Variants in GALNT14 observed in about 807,000 individuals in gnomAD.
The protein encoded by GALNT14 is UDP-GalNAc:polypeptide N-acetylgalactosaminyltransferase 14.
Under a neutral mutation model 77.5 loss-of-function variants are expected in GALNT14, and 60 were observed. That is an observed-to-expected ratio of 0.77 (90% CI 0.63 to 0.96). The LOEUF (loss-of-function observed/expected upper bound fraction) is 0.96. GALNT14 is among the 40% of genes least tolerant of loss of function. The pLI, the probability that GALNT14 is intolerant of heterozygous loss-of-function variation, is 0.00. For missense variants in GALNT14, 710 were observed against 731.0 expected (o/e 0.97, Z 0.33); for synonymous variants, 280 against 281.7 (o/e 0.99, Z 0.06).
At chr2:30,904,582 T>A in the GALNT14 span, among the ~76,000 whole-genome samples, 1 of 152,240 alleles carries the variant, frequency 6.6e-6, no homozygotes, top group African/African-American at 2.4e-5. Context: ...TCTCGCTGAC[T>A]GCTAGCACAG....
At chr2:31,075,392 C>G (rs1326560050) in intron 1 of GALNT14, among the ~76,000 whole-genome samples, 1 of 152,196 alleles carries the variant, frequency 6.6e-6, no homozygotes, top group East Asian at 1.9e-4. Context: ...AAATGTGTCT[C>G]CTGCATCTTT....
intron 1 of GALNT14, among the ~76,000 whole-genome samples, chr2:31,119,409 T>G (rs1025997720): frequency 6.6e-6 from 1 of 152,086 alleles, no homozygotes; most frequent in Non-Finnish European, 1.5e-5. Flanking sequence ...AGGATATGAA[T>G]AGACCCCTCA....
chr2:31,098,448 C>T (rs1180782649), intron 1 of GALNT14, among the ~76,000 whole-genome samples: 1 of 152,052 alleles, frequency 6.6e-6, no homozygotes, highest in East Asian at 1.9e-4. Flanking sequence ...ATATAATAAT[C>T]CCTTTAAAAA....
intron 1 of GALNT14, among the ~76,000 whole-genome samples, chr2:31,133,005 A>C (rs1331659351): frequency 1.3e-5 from 2 of 152,066 alleles, no homozygotes; most frequent in Non-Finnish European, 2.9e-5. Flanking sequence ...GCCCCCACCC[A>C]GGAACTGACT....
At chr2:30,889,303 A>G in the GALNT14 span, among the ~76,000 whole-genome samples, 1 of 152,210 alleles carries the variant, frequency 6.6e-6, no homozygotes, top group Admixed American at 6.5e-5. Context: ...GTTTAACTGA[A>G]TAGCAGGACT....
chr2:30,942,762 C>T (rs1335985857), intron 8 of GALNT14, among the ~76,000 whole-genome samples: 6 of 152,198 alleles, frequency 3.9e-5, no homozygotes, highest in Admixed American at 3.3e-4. Flanking sequence ...GGTAGCAGCA[C>T]ATCTGTTTCC....
intron 1 of GALNT14, chr2:31,125,088 C>A: frequency 8.6e-7 from 1 of 1,160,566 alleles, no homozygotes; most frequent in Non-Finnish European, 1.3e-6. Flanking sequence ...CCCACAGTAC[C>A]CAGGGCCTGC....
chr2:30,993,555 C>G (rs1669842979), intron 1 of GALNT14, among the ~76,000 whole-genome samples: 1 of 152,236 alleles, frequency 6.6e-6, no homozygotes, highest in African/African-American at 2.4e-5. Flanking sequence ...GTTCCGTCTA[C>G]AGTGGTGTGC....
rs756796892 is a variant in GALNT14 at position 30,932,059 on chromosome 2, G to A, written c.1058+9C>T. The A allele has an allele frequency of 1.3e-5, 20 of 1,521,614 alleles. No homozygotes were observed. The South Asian group carries it at 2.6e-4, about 20-fold the overall frequency. 94.3% of individuals were successfully genotyped at this position (1,521,614 alleles called of 1,614,324 possible). A position where few individuals can be genotyped will look rare whatever the true frequency, so the allele number is the denominator to read the frequency against. ...GCTGCCCACCCGCGCTGAGCCCCTG[G>A]GCACTTACTTTATATACGTGTTGGC... On this transcript the variant is annotated intron_variant, in intron 10 of 14. Transcript: ENST00000349752.
intron 1 of GALNT14, among the ~76,000 whole-genome samples, chr2:31,040,835 G>A (rs1002883050): frequency 2.6e-5 from 4 of 152,158 alleles, no homozygotes; most frequent in Admixed American, 2.0e-4. Context: ...GCACCCTACG[G>A]TTGTGGCCTG....
intron 1 of GALNT14, among the ~76,000 whole-genome samples, chr2:31,076,125 G>A (rs1242874313): frequency 1.3e-5 from 2 of 152,192 alleles, no homozygotes; most frequent in African/African-American, 4.8e-5. Flanking sequence ...CTGGAGAAAA[G>A]AGTTGAGTAG....
chr2:31,073,046 T>C (rs903982215), intron 1 of GALNT14: 1 of 152,222 alleles, frequency 6.6e-6, no homozygotes, highest in Non-Finnish European at 1.5e-5. Flanking sequence ...GCTTGAGTGA[T>C]GGCAGCAAGT....
intron 2 of GALNT14, among the ~76,000 whole-genome samples, chr2:30,969,860 C>T (rs987224902): frequency 6.6e-6 from 1 of 152,178 alleles, no homozygotes; most frequent in African/African-American, 2.4e-5. Context: ...ACAGCATCAG[C>T]TTTCAGAAGC....
the GALNT14 span, among the ~76,000 whole-genome samples, chr2:30,900,802 C>T: frequency 1.1e-4 from 16 of 152,198 alleles, no homozygotes; most frequent in East Asian, 3.8e-4. Flanking sequence ...AGATGCATAT[C>T]GACGGGGCTG....
intron 1 of GALNT14, among the ~76,000 whole-genome samples, chr2:31,060,633 G>T (rs190998433): frequency 6.6e-6 from 1 of 152,324 alleles, no homozygotes; most frequent in East Asian, 1.9e-4. Flanking sequence ...CCTTTAATCG[G>T]CTAGCGGCTG....
chr2:30,981,096 C>T (rs1386783644), intron 2 of GALNT14, among the ~76,000 whole-genome samples: 1 of 152,248 alleles, frequency 6.6e-6, no homozygotes, highest in Non-Finnish European at 1.5e-5. Context: ...CTGCATGGTT[C>T]ATCCTCTCCT....
intron 2 of GALNT14, among the ~76,000 whole-genome samples, chr2:30,977,107 T>TTTTTTTTA (rs1668679732): frequency 6.6e-6 from 1 of 150,538 alleles, no homozygotes; most frequent in African/African-American, 2.5e-5. Context: ...TTTTTTTTTT[T>TTTTTTTTA]GAGACAGGGT....
At chr2:31,133,908 CTT>C (rs2148654333) in intron 1 of GALNT14, among the ~76,000 whole-genome samples, 1 of 152,298 alleles carries the variant, frequency 6.6e-6, no homozygotes, top group Non-Finnish European at 1.5e-5. Context: ...TTAAAGAACT[CTT>C]TACTTGAGCT....
rs181115420 is a variant in GALNT14, at chr2:31,016,827, A to C, written c.130-23820T>G. ...CCTCCTCCTGGGAGTGCTCTCATTA[A>C]ATTTACAAGGCTCTGCTTCTATGGA... On this transcript the variant is annotated intron_variant, in intron 1 of 14. Transcript: ENST00000349752. Among the ~76,000 whole-genome samples, 23 of 152,168 alleles carry C rather than the reference A, an allele frequency of 1.5e-4. 1 individual carries two copies. The highest frequency in any genetic ancestry group is 7.2e-4 in the Admixed American group (11 of 15,278).
Sources: allele counts gnomAD v4.1 joint callset (sites outside exome capture counted in the v4.1 genomes callset), GRCh38; gene constraint gnomAD v4.1.1; transcripts MANE v1.5; gene names NCBI Gene and HGNC (gene_info 2026-07-23, HGNC 2026-07-21).